ANKS1B: variants seen among roughly 807,000 people sequenced by gnomAD.
ANKS1B encodes ankyrin repeat and sterile alpha motif domain containing 1B.
ANKS1B carries 36 observed loss-of-function variants against 148.3 expected under a neutral mutation model. The observed-to-expected ratio is 0.24, with a 90% CI of 0.19 to 0.32. The LOEUF (loss-of-function observed/expected upper bound fraction) is 0.32. Among genes scored for constraint, ANKS1B ranks in the 10% least tolerant of loss-of-function variants. The pLI, the probability that ANKS1B is intolerant of heterozygous loss-of-function variation, is 1.00. For missense variants in ANKS1B, 1,157 were observed against 1,542.6 expected (o/e 0.75, Z 4.19); for synonymous variants, 542 against 560.8 (o/e 0.97, Z 0.47).
intron 19 of ANKS1B, 31 bp from the exon 20 acceptor site, chr12:98,807,949 T>C (rs780028325): frequency 1.9e-6 from 3 of 1,572,926 alleles, no homozygotes; most frequent in East Asian, 2.3e-5. Context: ...TCTTATCTTG[T>C]CAATATTTAA....
chr12:99,104,064 A>C (rs1159086163), intron 15 of ANKS1B, among the ~76,000 whole-genome samples: 3 of 152,206 alleles, frequency 2.0e-5, no homozygotes, highest in Non-Finnish European at 2.9e-5. Flanking sequence ...TTTCTTGCAG[A>C]ACTTAGGGCA....
intron 9 of ANKS1B, among the ~76,000 whole-genome samples, chr12:99,620,141 A>C (rs1045554030): frequency 6.6e-6 from 1 of 152,218 alleles, no homozygotes; most frequent in Non-Finnish European, 1.5e-5. Context: ...AAGCAAAGCC[A>C]AAACACCCTA....
chr12:99,342,363 A>G lies in ANKS1B; in HGVS notation c.1756+57268T>C, dbSNP rs564481724. ...ACAGTATTGTAGGCACATGGAATAA[A>G]TAGAGTATGAGATGTCCTGGAGGTT... is the stretch of plus-strand genomic sequence containing the variant. On this transcript the variant is annotated intron_variant, in intron 12 of 26. Coordinates refer to ENST00000683438, the MANE Select transcript of ANKS1B (RefSeq NM_001352186.2). 2.6e-5 allele frequency among the ~76,000 whole-genome samples: 4 copies of G among 152,094 alleles called. No individual in the cohort carries two copies. In the South Asian group the frequency reaches 8.3e-4, roughly 32 times the overall value.
intron 17 of ANKS1B, among the ~76,000 whole-genome samples, chr12:98,902,483 A>C (rs937567056): frequency 6.6e-6 from 1 of 152,228 alleles, no homozygotes. Context: ...TCTTTAAATG[A>C]ATCAGATCAT....
chr12:98,954,996 C>G (rs1012279019), intron 17 of ANKS1B, among the ~76,000 whole-genome samples: 18 of 142,304 alleles, frequency 1.3e-4, no homozygotes, highest in Non-Finnish European at 2.3e-4. Context: ...TGATTGAGAT[C>G]AAATATTGAT....
At chr12:99,930,588 G>A (rs1267774708) in intron 1 of ANKS1B, among the ~76,000 whole-genome samples, 1 of 152,056 alleles carries the variant, frequency 6.6e-6, no homozygotes, top group Non-Finnish European at 1.5e-5. Flanking sequence ...GTTTTCAAAG[G>A]GAATGCTTCA....
intron 12 of ANKS1B, among the ~76,000 whole-genome samples, chr12:99,315,402 G>A (rs1347375055): frequency 1.3e-5 from 2 of 152,040 alleles, no homozygotes; most frequent in Non-Finnish European, 2.9e-5. Flanking sequence ...GTGGGAAAAC[G>A]ATTATGAACA....
intron 8 of ANKS1B, among the ~76,000 whole-genome samples, chr12:99,735,061 A>G (rs1034750781): frequency 1.3e-4 from 20 of 152,100 alleles, no homozygotes; most frequent in African/African-American, 4.6e-4. Flanking sequence ...AACATCTCCA[A>G]TATTATTTTT....
chr12:99,825,372 T>A lies in ANKS1B; in HGVS notation c.152A>T (p.Asn51Ile). 6.2e-7 allele frequency: 1 copy of A among 1,611,400 alleles called. No individual in the cohort carries two copies. The highest frequency in any genetic ancestry group is 8.5e-7 in the Non-Finnish European group (1 of 1,178,744). ...ACCCGAACTGTCTGTGCAGTTCACA[T>A]TGGGGCCTCGCCAGATGCTGCAAAT... ...SNLLSIWRGP[N>I]VNCTDSSGYT... is the part of the protein sequence containing the mutation. The change falls in exon 2 of 27, where the codon AAT (asparagine) becomes ATT (isoleucine). Residue 51 changes from asparagine (N) to isoleucine (I), a missense_variant. By Grantham distance (149) the Asn-to-Ile change is moderately radical (BLOSUM62 -3). Transcript: ENST00000683438.
At chr12:98,908,045 C>T (rs1347537963) in intron 17 of ANKS1B, among the ~76,000 whole-genome samples, 1 of 152,120 alleles carries the variant, frequency 6.6e-6, no homozygotes, top group East Asian at 1.9e-4. Flanking sequence ...CAGACTGATA[C>T]AGGGGGCAAT....
intron 11 of ANKS1B, among the ~76,000 whole-genome samples, chr12:99,430,482 C>T (rs370730096): frequency 6.6e-6 from 1 of 152,098 alleles, no homozygotes; most frequent in Non-Finnish European, 1.5e-5. Context: ...AAACACTGTA[C>T]GTTACTTGAC....
intron 17 of ANKS1B, among the ~76,000 whole-genome samples, chr12:99,017,126 C>T (rs764512487): frequency 2.0e-5 from 3 of 152,292 alleles, no homozygotes; most frequent in Non-Finnish European, 2.9e-5. Flanking sequence ...AAGGGTGAAA[C>T]TGCCTTTGCA....
intron 12 of ANKS1B, among the ~76,000 whole-genome samples, chr12:99,367,938 C>T (rs2092870062): frequency 6.6e-6 from 1 of 151,856 alleles, no homozygotes. Context: ...TATGTAAATG[C>T]CTTATATAAT....
At chr12:99,933,060 A>C (rs934759036) in intron 1 of ANKS1B, among the ~76,000 whole-genome samples, 1 of 152,160 alleles carries the variant, frequency 6.6e-6, no homozygotes, top group Non-Finnish European at 1.5e-5. Context: ...TTTGTCAAAA[A>C]TGAGTTCACT....
intron 20 of ANKS1B, among the ~76,000 whole-genome samples, chr12:98,804,301 G>A (rs188233681): frequency 6.6e-6 from 1 of 152,172 alleles, no homozygotes; most frequent in Non-Finnish European, 1.5e-5. Context: ...CAGATTTAGT[G>A]CTATTTCCAG....
chr12:99,061,379 A>G (rs983033358), intron 16 of ANKS1B, among the ~76,000 whole-genome samples: 1 of 152,216 alleles, frequency 6.6e-6, no homozygotes, highest in African/African-American at 2.4e-5. Flanking sequence ...TCAGACCTCA[A>G]CGTGCTTAGG....
At chr12:99,063,951 A>G (rs2043254972) in intron 16 of ANKS1B, among the ~76,000 whole-genome samples, 2 of 152,198 alleles carry the variant, frequency 1.3e-5, no homozygotes, top group Non-Finnish European at 2.9e-5. Context: ...TACAATTTCT[A>G]TAAAAGAATA....
intron 8 of ANKS1B, among the ~76,000 whole-genome samples, chr12:99,747,065 AC>A (rs1046599864): frequency 6.6e-6 from 1 of 151,930 alleles, no homozygotes; most frequent in Non-Finnish European, 1.5e-5. Context: ...CAAAAATGGG[AC>A]CCTTCAAAGG....
chr12:99,722,211 A>C (rs944977316), intron 8 of ANKS1B, among the ~76,000 whole-genome samples: 2 of 152,242 alleles, frequency 1.3e-5, no homozygotes, highest in African/African-American at 4.8e-5. Flanking sequence ...AGGTGACTAC[A>C]CTAAACAACA....
Sources: gnomAD v4.1 joint callset for allele counts (sites outside exome capture counted in the v4.1 genomes callset) on GRCh38, gnomAD v4.1.1 for gene constraint, MANE v1.5 for transcripts, NCBI Gene and HGNC (gene_info 2026-07-23, HGNC 2026-07-21) for gene names.